GFRA2: variants seen among roughly 807,000 people sequenced by gnomAD.
The protein encoded by GFRA2 is GDNF family receptor alpha-2.
A neutral mutation model predicts 48.3 loss-of-function variants in GFRA2; 17 were observed. The observed-to-expected ratio is 0.35, with a 90% CI of 0.24 to 0.53. The LOEUF (loss-of-function observed/expected upper bound fraction) is 0.53. Among genes scored for constraint, GFRA2 ranks in the 20% least tolerant of loss-of-function variants. GFRA2 has a pLI of 0.93. For synonymous variants in GFRA2, 305 were observed against 257.2 expected (o/e 1.19, Z -1.78); for missense variants, 660 against 637.3 (o/e 1.04, Z -0.38).
chr8:21,705,760 T>A (rs1002632160), intron 5 of GFRA2, among the ~76,000 whole-genome samples, 172 bp downstream of exon 5: 1 of 152,214 alleles, frequency 6.6e-6, no homozygotes, highest in East Asian at 1.9e-4. Context: ...CTCCGCCTTG[T>A]TACAAAACTG....
At chr8:21,782,489 A>T in intron 2 of GFRA2, 96 bp downstream of exon 2, 1 of 948,858 alleles carries the variant, frequency 1.1e-6, no homozygotes, top group Non-Finnish European at 1.6e-6. Flanking sequence ...AGTTTGCGCC[A>T]CCACCTAGTC....
Position 21,693,188 on chromosome 8 carries a change from T to G in GFRA2, c.*90A>C, listed in dbSNP as rs187782587. The stretch of plus-strand genomic sequence containing the variant: ...GAAAAACAATTTTTTTTTTGCAAGG[T>G]GTGTGTGTGTCTGTGTGTGTTTCCA... On this transcript the variant is annotated 3_prime_UTR_variant, in exon 9 of 9. Transcript: ENST00000524240. 0.014 allele frequency: 16,287 copies of G among 1,186,666 alleles called. 149 individuals carry two copies. Among genetic ancestry groups the G allele is most frequent in the Admixed American group, 0.019 (684 of 36,576 alleles). The allele number at this position is 1,186,666 out of a possible 1,614,324, so 73.5% of individuals were successfully genotyped here.
At chr8:21,705,148 G>C in intron 5 of GFRA2, 23 bp from the exon 6 acceptor site, 2 of 1,597,732 alleles carry the variant, frequency 1.3e-6, no homozygotes, top group Non-Finnish European at 1.7e-6. Context: ...AAAGGTGGGG[G>C]AGAGGAGAGA....
chr8:21,762,075 C>T (rs1805941228), intron 3 of GFRA2, among the ~76,000 whole-genome samples: 1 of 152,176 alleles, frequency 6.6e-6, no homozygotes, highest in African/African-American at 2.4e-5. Flanking sequence ...CCTTGTGCTC[C>T]GGCCTCTACA....
In GFRA2 at chr8:21,729,046, G is replaced by A. The variant is rs193152192; in HGVS notation, c.794+21542C>T. ...GGGCAGTTCAAGACCAGAGCAGGACGGGGCCAACCCAGGCCTGGAAAACAA... is the reference window on the plus strand; with the variant it reads ...GGGCAGTTCAAGACCAGAGCAGGACAGGGCCAACCCAGGCCTGGAAAACAA... On this transcript the variant is annotated intron_variant, in intron 4 of 8. Transcript: ENST00000524240. Among the ~76,000 whole-genome samples the A allele has an allele frequency of 1.8e-4, 28 of 152,302 alleles. No individual in the cohort carries two copies. The East Asian group carries it at 4.3e-3, about 23-fold the overall frequency.
At chr8:21,805,073 G>A (rs1807835384) in exon 2 of GFRA2, 1 of 152,222 alleles carries the variant, frequency 6.6e-6, no homozygotes, top group Non-Finnish European at 1.5e-5. Flanking sequence ...GTCTCCGGGT[G>A]ATGAAATTAC....
At chr8:21,765,847 G>T (rs188153838) in intron 3 of GFRA2, among the ~76,000 whole-genome samples, 1 of 151,870 alleles carries the variant, frequency 6.6e-6, no homozygotes, top group Non-Finnish European at 1.5e-5. Flanking sequence ...ACAAAATATC[G>T]AGTTGTCCAT....
At position 21,782,882 on chromosome 8, in the gene GFRA2, A is replaced by C; in HGVS notation, c.58T>G (p.Leu20Val). 6.4e-7 allele frequency: 1 copy of C among 1,560,474 alleles called. No individual in the cohort carries two copies. Among genetic ancestry groups the C allele is most frequent in the Non-Finnish European group, 8.6e-7 (1 of 1,160,390 alleles). ...FFFLDETLRS[L>V]ASPSSLQGPE... Reference sequence around the variant, plus strand: ...CCCTGCAGGGAGGAAGGGCTGGCCAAAGAGCGGAGGGTCTCGTCTGGGTGG... The same window carrying C: ...CCCTGCAGGGAGGAAGGGCTGGCCACAGAGCGGAGGGTCTCGTCTGGGTGG... Residue 20 changes from leucine (L) to valine (V), a missense_variant, in exon 2 of 9, where the codon TTG becomes GTG. By Grantham distance (32) the Leu-to-Val change is conservative. Transcript: ENST00000524240.
chr8:21,788,062 C>CCCCCCCCCT, intron 1 of GFRA2, 58 bp downstream of exon 1: 1 of 904,214 alleles, frequency 1.1e-6, no homozygotes. Flanking sequence ...GCTCCGCTCG[C>CCCCCCCCCT]CCCCCGCCTC....
chr8:21,698,674 G>T (rs1197770334), intron 7 of GFRA2, among the ~76,000 whole-genome samples: 1 of 152,100 alleles, frequency 6.6e-6, no homozygotes, highest in Non-Finnish European at 1.5e-5. Flanking sequence ...ACTCAGTGCT[G>T]CCTGTGACAG....
chr8:21,737,623 A>AC (rs1804534699), intron 4 of GFRA2, among the ~76,000 whole-genome samples: 1 of 152,074 alleles, frequency 6.6e-6, no homozygotes, highest in South Asian at 2.1e-4. Flanking sequence ...AGCCCTGAGC[A>AC]GTACAGTCCC....
intron 3 of GFRA2, among the ~76,000 whole-genome samples, chr8:21,754,495 CTTTTTTTTTCTTTTTTT>C (rs1256198350): frequency 3.2e-5 from 4 of 125,082 alleles, no homozygotes; most frequent in Non-Finnish European, 5.1e-5. Flanking sequence ...CAACAATGGT[CTTTTTTTTTCTTTTTTT>C]TTTTTTTTTT....
At chr8:21,760,643 G>A (rs1305865132) in intron 3 of GFRA2, among the ~76,000 whole-genome samples, 1 of 152,178 alleles carries the variant, frequency 6.6e-6, no homozygotes, top group African/African-American at 2.4e-5. Context: ...AGGCAGAAGG[G>A]TCCACAAGCC....
chr8:21,789,118 TGGCGGCGGC>T, upstream of GFRA2: 1 of 167,382 alleles, frequency 6.0e-6, no homozygotes, highest in Non-Finnish European at 1.2e-5. Flanking sequence ...GCGGTGGCGG[TGGCGGCGGC>T]GGCGGCGCCG....
chr8:21,702,898 G>C lies in GFRA2; in HGVS notation c.1125C>G (p.Ala375=). ...PKGPSFQATQ[A]PRVEKTPSLP... is the part of the protein sequence containing the mutation. ...AAGAAGGCGTCTTCTCCACCCGAGG[G>C]GCCTGGGTGGCCTGGAACGAGGGGC... Residue 375 remains alanine (A), a synonymous_variant, in exon 7 of 9, where the codon GCC becomes GCG. Transcript: ENST00000524240. 2 of 1,597,046 alleles carry C rather than the reference G, an allele frequency of 1.3e-6. No individual in the cohort carries two copies. The highest frequency in any genetic ancestry group is 1.7e-6 in the Non-Finnish European group (2 of 1,173,010).
At chr8:21,770,292 T>C (rs1806381904) in intron 3 of GFRA2, among the ~76,000 whole-genome samples, 1 of 152,342 alleles carries the variant, frequency 6.6e-6, no homozygotes, top group Admixed American at 6.5e-5. Context: ...AATCAGTCCA[T>C]ACGAATGTTT....
intron 3 of GFRA2, among the ~76,000 whole-genome samples, chr8:21,751,321 G>C (rs1364951983): frequency 1.3e-5 from 2 of 152,154 alleles, no homozygotes; most frequent in Non-Finnish European, 2.9e-5. Flanking sequence ...ACAACGAGGG[G>C]GCCCCCGTGC....
Position 21,702,910 on chromosome 8 carries a change from C to T in GFRA2, c.1113G>A (p.Gln371=). 1 of 1,592,252 alleles carries T rather than the reference C, an allele frequency of 6.3e-7. No homozygotes were observed. Among genetic ancestry groups the T allele is most frequent in the Non-Finnish European group, 8.5e-7 (1 of 1,171,286 alleles). ...TCTCCACCCGAGGGGCCTGGGTGGC[C>T]TGGAACGAGGGGCCTTTTGGGGACA... ...VNVSPKGPSF[Q]ATQAPRVEKT... Residue 371 remains glutamine, a synonymous_variant, in exon 7 of 9, where the codon CAG becomes CAA. Transcript: ENST00000524240.
chr8:21,811,498 G>A (rs1001824728), intron 1 of GFRA2, among the ~76,000 whole-genome samples: 2 of 152,112 alleles, frequency 1.3e-5, no homozygotes, highest in Admixed American at 6.6e-5. Flanking sequence ...CAAACTCATA[G>A]GCAGGAACCC....
Sources: gnomAD v4.1 joint callset for allele counts (sites outside exome capture counted in the v4.1 genomes callset) on GRCh38, gnomAD v4.1.1 for gene constraint, MANE v1.5 for transcripts, NCBI Gene and HGNC (gene_info 2026-07-23, HGNC 2026-07-21) for gene names.